CNGA3: variants seen among roughly 807,000 people sequenced by gnomAD.
CNGA3 encodes the protein cyclic nucleotide gated channel subunit alpha 3, also known as cyclic nucleotide-gated channel alpha-3.
CNGA3 carries 42 observed loss-of-function variants against 46.6 expected under a neutral mutation model. The ratio of observed to expected loss-of-function variants is 0.90; its 90% CI spans 0.70 to 1.17. CNGA3 has a LOEUF of 1.17. Ranked by LOEUF, CNGA3 falls within the 50% of genes most tolerant of loss-of-function variation. CNGA3 has a pLI of 0.00. For missense variants in CNGA3, 893 were observed against 890.7 expected (o/e 1.00, Z -0.03); for synonymous variants, 394 against 369.4 (o/e 1.07, Z -0.76).
At chr2:98,378,208 T>C (rs1421254574) in intron 3 of CNGA3, 41 of 1,549,204 alleles carry the variant, frequency 2.6e-5, no homozygotes, top group Non-Finnish European at 3.5e-5. Context: ...GGTGCTCGTC[T>C]GGACCCCAGG....
At chr2:98,383,961 G>A (rs1196320533) in intron 5 of CNGA3, among the ~76,000 whole-genome samples, 2 of 152,008 alleles carry the variant, frequency 1.3e-5, no homozygotes, top group Non-Finnish European at 2.9e-5. Context: ...ATCTTGACTC[G>A]TTGCAAGCTC....
At chr2:98,388,084 T>C (rs961676747) in intron 5 of CNGA3, among the ~76,000 whole-genome samples, 1 of 152,124 alleles carries the variant, frequency 6.6e-6, no homozygotes, top group Non-Finnish European at 1.5e-5. Flanking sequence ...GGAATAATAA[T>C]AACAAATCAA....
intron 1 of CNGA3, among the ~76,000 whole-genome samples, chr2:98,352,209 C>T (rs911968931): frequency 4.6e-5 from 7 of 152,110 alleles, no homozygotes; most frequent in African/African-American, 1.7e-4. Flanking sequence ...TTTCCTATCG[C>T]CAAATAAGAT....
At chr2:98,384,728 C>T (rs1252542269) in intron 5 of CNGA3, among the ~76,000 whole-genome samples, 1 of 152,196 alleles carries the variant, frequency 6.6e-6, no homozygotes, top group African/African-American at 2.4e-5. Flanking sequence ...ATACTGAAAC[C>T]ATGGACAGAG....
intron 2 of CNGA3, among the ~76,000 whole-genome samples, chr2:98,373,466 G>A (rs1481373540): frequency 6.6e-6 from 1 of 152,092 alleles, no homozygotes; most frequent in Non-Finnish European, 1.5e-5. Context: ...CCCTCGCTGA[G>A]TGCCCCCAAG....
chr2:98,383,772 C>G (rs1243755415), intron 5 of CNGA3, among the ~76,000 whole-genome samples: 1 of 152,184 alleles, frequency 6.6e-6, no homozygotes, highest in Non-Finnish European at 1.5e-5. Flanking sequence ...ACCGGAGTTC[C>G]TTGACAGAGC....
chr2:98,349,641 C>G (rs1342752221), intron 1 of CNGA3, among the ~76,000 whole-genome samples: 2 of 152,156 alleles, frequency 1.3e-5, no homozygotes, highest in Non-Finnish European at 2.9e-5. Flanking sequence ...AGGCCTGGAT[C>G]AAGGCAGGAA....
intron 2 of CNGA3, among the ~76,000 whole-genome samples, chr2:98,373,195 C>T (rs949052114): frequency 4.6e-5 from 7 of 152,276 alleles, no homozygotes; most frequent in Non-Finnish European, 8.8e-5. Context: ...TGTCTATCCA[C>T]CGATGAGGTC....
chr2:98,385,612 A>T (rs1692637148), intron 5 of CNGA3, among the ~76,000 whole-genome samples: 1 of 152,330 alleles, frequency 6.6e-6, no homozygotes. Context: ...TGTTAAGAGC[A>T]TCTGTTTCCC....
At chr2:98,376,594 G>GCT (rs1692411148) in intron 2 of CNGA3, among the ~76,000 whole-genome samples, 2 of 152,112 alleles carry the variant, frequency 1.3e-5, no homozygotes. Context: ...AAGAGGAGAA[G>GCT]CAAGCAGCAG....
chr2:98,362,498 TG>T (rs201478657), intron 1 of CNGA3, among the ~76,000 whole-genome samples: 46 of 148,588 alleles, frequency 3.1e-4, no homozygotes, highest in African/African-American at 7.3e-4. Context: ...TTTTTAATGT[TG>T]TTTTTTTTTT....
chr2:98,374,445 G>C (rs1404488330), intron 2 of CNGA3, among the ~76,000 whole-genome samples: 1 of 152,160 alleles, frequency 6.6e-6, no homozygotes, highest in African/African-American at 2.4e-5. Context: ...GTCCTGGCCT[G>C]GTCTGTTCAT....
At position 98,372,794 on chromosome 2, in the gene CNGA3, G is replaced by A. The variant is rs537078482; in HGVS notation, c.101+2718G>A. On this transcript the variant is annotated intron_variant, in intron 2 of 7. Transcript: ENST00000272602. ...TTGGAAATGATTACTTCTTCCTGTG[G>A]CCCTTCTCTGGTCTCTTCTCCTTGA... Among the ~76,000 whole-genome samples the A allele has an allele frequency of 3.9e-5, 6 of 152,156 alleles. No homozygotes were observed. The East Asian group carries it at 1.2e-3, about 29-fold the overall frequency.
intron 5 of CNGA3, among the ~76,000 whole-genome samples, chr2:98,388,221 T>G (rs1251533583): frequency 6.6e-6 from 1 of 152,196 alleles, no homozygotes; most frequent in Non-Finnish European, 1.5e-5. Context: ...CATTTGGTAA[T>G]GTCCTTGATA....
rs113753188 is a variant in CNGA3, at chr2:98,398,092, G to C, written c.*837G>C. On this transcript the variant is annotated 3_prime_UTR_variant, in exon 8 of 8. Coordinates refer to ENST00000272602, the MANE Select transcript of CNGA3 (RefSeq NM_001298.3). ...ACAGGGAGAGCATTTTAGATTGAAG[G>C]TTGGAATGGTGTACTAAACCAAAAA... 1 of 152,122 alleles carries C rather than the reference G, an allele frequency of 6.6e-6. No individual in the cohort carries two copies. 9.4% of individuals were successfully genotyped at this position (152,122 alleles called of 1,614,324 possible).
At chr2:98,358,962 A>T (rs1271816113) in intron 1 of CNGA3, among the ~76,000 whole-genome samples, 1 of 152,238 alleles carries the variant, frequency 6.6e-6, no homozygotes, top group Non-Finnish European at 1.5e-5. Flanking sequence ...AGATTCTCTT[A>T]GCAGTGATAC....
intron 1 of CNGA3, among the ~76,000 whole-genome samples, chr2:98,364,959 A>G (rs894198768): frequency 6.7e-6 from 1 of 149,996 alleles, no homozygotes; most frequent in Non-Finnish European, 1.5e-5. Context: ...TCTGGCTTGT[A>G]GGGTTTCTGG....
rs1399937926 is a variant in CNGA3, at chr2:98,370,048, C to T, written c.73C>T (p.Leu25Phe). ...HLKVKTSDRD[L>F]NRAENGLSRA... ...CAAGGTAAAGACCTCAGACCGAGAT[C>T]TCAATCGCGCTGAAAATGGCCTCAG... Residue 25 changes from leucine to phenylalanine, a missense_variant, in exon 2 of 8, where the codon CTC (leucine) becomes TTC (phenylalanine). Physicochemically the swap from Leu to Phe is conservative, Grantham distance 22. Around this residue, in one of 3 missense-constraint regions of CNGA3, gnomAD observed 333 missense variants for 290.8 expected, o/e 1.15. Transcript: ENST00000272602. 1.2e-6 allele frequency: 2 copies of T among 1,613,854 alleles called. No homozygotes were observed. Among genetic ancestry groups the T allele is most frequent in the East Asian group, 2.2e-5 (1 of 44,868 alleles).
chr2:98,375,884 T>A (rs1312369116), intron 2 of CNGA3, among the ~76,000 whole-genome samples: 1 of 152,156 alleles, frequency 6.6e-6, no homozygotes, highest in Admixed American at 6.5e-5. Flanking sequence ...TCGGTGAAGT[T>A]GCTTAACCTT....
Sources: allele counts gnomAD v4.1 joint callset (sites outside exome capture counted in the v4.1 genomes callset), GRCh38; gene constraint gnomAD v4.1.1; regional missense constraint gnomAD v4.1.1; transcripts MANE v1.5; gene names NCBI Gene and HGNC (gene_info 2026-07-23, HGNC 2026-07-21).